SLC2A11: variants seen among roughly 807,000 people sequenced by gnomAD.
SLC2A11 encodes the protein solute carrier family 2 member 11.
A neutral mutation model predicts 52.1 loss-of-function variants in SLC2A11; 43 were observed. The observed-to-expected ratio is 0.82, with a 90% CI of 0.65 to 1.06. The LOEUF (loss-of-function observed/expected upper bound fraction) is 1.06, where lower values mean the gene tolerates loss of function less well. SLC2A11 is among the 50% of genes least tolerant of loss of function. SLC2A11 has a pLI of 0.00. For synonymous variants in SLC2A11, 261 were observed against 277.6 expected (o/e 0.94, Z 0.59); for missense variants, 582 against 654.2 (o/e 0.89, Z 1.20).
Position 23,875,121 on chromosome 22 carries a change from A to C in SLC2A11, c.295A>C (p.Lys99Gln). The C allele has an allele frequency of 6.3e-7, 1 of 1,579,368 alleles. No homozygotes were observed. Among genetic ancestry groups the C allele is most frequent in the Non-Finnish European group, 8.6e-7 (1 of 1,162,656 alleles). ...GTGTGTTTCACTTCCCCCAAGGAAGAAGTCCCTCCTGGTGAATAACATCTT... is the reference window on the plus strand; with the variant it reads ...GTGTGTTTCACTTCCCCCAAGGAAGCAGTCCCTCCTGGTGAATAACATCTT... ...GPLAITLGRK[K>Q]SLLVNNIFVV... is the part of the protein sequence containing the mutation. The change falls in exon 4 of 12, where the codon AAG (lysine) becomes CAG (glutamine). Residue 99 changes from lysine (K) to glutamine (Q), a missense_variant. Transcript: ENST00000316185.
chr22:23,859,202 GC>G (rs1035959857), intron 1 of SLC2A11, among the ~76,000 whole-genome samples: 16 of 152,320 alleles, frequency 1.1e-4, no homozygotes, highest in African/African-American at 3.8e-4. Flanking sequence ...CTGTAATTTG[GC>G]CTCAATGGGA....
In SLC2A11 at chr22:23,870,144, G is replaced by A. The variant is rs376077537; in HGVS notation, c.290+1503G>A. ...CCACTGGGCTCATATCTGCACCGTG[G>A]GGAGTAGGGGAACAGTCGCAAACAA... On this transcript the variant is annotated intron_variant, in intron 3 of 11. Coordinates refer to ENST00000316185, the MANE Select transcript of SLC2A11 (RefSeq NM_001024939.4). 5.3e-5 allele frequency: 35 copies of A among 662,830 alleles called. No individual in the cohort carries two copies. In the African/African-American group the frequency reaches 5.6e-4, roughly 11 times the overall value. The allele number at this position is 662,830 out of a possible 1,614,324, so 41.1% of individuals were successfully genotyped here. A position where few individuals can be genotyped will look rare whatever the true frequency, so the allele number is the denominator to read the frequency against.
Position 23,885,669 on chromosome 22 carries a change from G to A in SLC2A11, c.*820G>A, listed in dbSNP as rs956835536. 1 of 151,998 alleles carries A rather than the reference G, an allele frequency of 6.6e-6. No individual in the cohort carries two copies. Among genetic ancestry groups the A allele is most frequent in the Non-Finnish European group, 1.5e-5 (1 of 68,024 alleles). 9.4% of individuals were successfully genotyped at this position (151,998 alleles called of 1,614,324 possible). On this transcript the variant is annotated 3_prime_UTR_variant, in exon 12 of 12. Transcript: ENST00000316185. Reference sequence around the variant, plus strand: ...TGCAGTGAGTCCTAATTGAGCCACTGCACTCCAGCCTGGACAACAGAAAGA... The same window carrying A: ...TGCAGTGAGTCCTAATTGAGCCACTACACTCCAGCCTGGACAACAGAAAGA...
At chr22:23,880,789 C>T (rs2032771695) in intron 6 of SLC2A11, 1 of 152,096 alleles carries the variant, frequency 6.6e-6, no homozygotes, top group Admixed American at 6.6e-5. Flanking sequence ...TTTGTTGCCT[C>T]TGAATTCTGC....
At position 23,884,235 on chromosome 22, in the gene SLC2A11, C is replaced by A; in HGVS notation, c.1172-67C>A. 2 of 1,555,594 alleles carry A rather than the reference C, an allele frequency of 1.3e-6. No individual in the cohort carries two copies. Among genetic ancestry groups the A allele is most frequent in the Non-Finnish European group, 1.7e-6 (2 of 1,150,082 alleles). Reference sequence around the variant, plus strand: ...CTGGGCTCCCACTCCCATGTCTGGGCTGGGGTCGGGGAGAGGCAGGCAGGG... The same window carrying A: ...CTGGGCTCCCACTCCCATGTCTGGGATGGGGTCGGGGAGAGGCAGGCAGGG... On this transcript the variant is annotated intron_variant, in intron 10 of 11. Transcript: ENST00000316185. The surrounding 1 kb of genome is among the most constrained non-coding windows in gnomAD (Gnocchi z 4.3).
chr22:23,878,007 G>A, intron 6 of SLC2A11, 138 bp downstream of exon 6: 1 of 1,050,672 alleles, frequency 9.5e-7, no homozygotes, highest in Admixed American at 3.1e-5. Context: ...TTCATGATCT[G>A]CCTATACCTG....
Position 23,884,185 on chromosome 22 carries a change from GA to G in SLC2A11, c.1172-116del. 2 of 1,486,936 alleles carry G rather than the reference GA, an allele frequency of 1.3e-6. No homozygotes were observed. The highest frequency in any genetic ancestry group is 1.8e-6 in the Non-Finnish European group (2 of 1,118,140). 92.1% of individuals were successfully genotyped at this position (1,486,936 alleles called of 1,614,324 possible). A position where few individuals can be genotyped will look rare whatever the true frequency, so the allele number is the denominator to read the frequency against. On this transcript the variant is annotated intron_variant, in intron 10 of 11. Coordinates refer to ENST00000316185, the MANE Select transcript of SLC2A11 (RefSeq NM_001024939.4). This position sits in a 1 kb window ranked among gnomAD's most constrained non-coding sequence, Gnocchi z 4.3. ...GAGGGAATGGCAGGAGGAGAGCACTGAGGGGCCCCCCATACAGACTGGGCCT... is the reference window on the plus strand; with the variant it reads ...GAGGGAATGGCAGGAGGAGAGCACTGGGGGCCCCCCATACAGACTGGGCCT...
At position 23,875,236 on chromosome 22, in the gene SLC2A11, A is replaced by T; in HGVS notation, c.410A>T (p.Asn137Ile). The T allele has an allele frequency of 6.8e-7, 1 of 1,476,304 alleles. No homozygotes were observed. The highest frequency in any genetic ancestry group is 9.1e-7 in the Non-Finnish European group (1 of 1,101,066). The allele number at this position is 1,476,304 out of a possible 1,614,324, so 91.5% of individuals were successfully genotyped here. Residue 137 changes from asparagine (N) to isoleucine (I), a missense_variant, in exon 4 of 12, where the codon AAT (asparagine) becomes ATT (isoleucine). Coordinates refer to ENST00000316185, the MANE Select transcript of SLC2A11 (RefSeq NM_001024939.4). The stretch of plus-strand genomic sequence containing the variant: ...CTGGGAAGACTGCTCGTGGGAGTCA[A>T]TGCAGGTATGGGGTGGGGGCTTCTC... ...IMLGRLLVGV[N>I]AGVSMNIQPM...
chr22:23,858,747 C>T (rs1053395577), intron 1 of SLC2A11, among the ~76,000 whole-genome samples: 1 of 152,142 alleles, frequency 6.6e-6, no homozygotes, highest in Admixed American at 6.5e-5. Context: ...CCACCTGGTC[C>T]AAACACTTCC....
chr22:23,882,251 A>AAC (rs372923491), intron 6 of SLC2A11: 23 of 546,568 alleles, frequency 4.2e-5, no homozygotes, highest in South Asian at 9.4e-5. Flanking sequence ...CAGAGAGAGA[A>AAC]ACACACACAC....
At chr22:23,857,084 G>A (rs1372311926), upstream of SLC2A11, 6 of 1,137,448 alleles carry the variant, frequency 5.3e-6, 1 homozygote, top group African/African-American at 4.7e-5. Flanking sequence ...GGGGGGGGGG[G>A]GGTGTAGGTG....
In SLC2A11 at chr22:23,876,200, C is replaced by T. The variant is rs150808945; in HGVS notation, c.416-842C>T. ...TGTCCTAATTCCAGAGGTCATACAC[C>T]ATTATTCTGCTCATTAGAAGTGAGT... On this transcript the variant is annotated intron_variant, in intron 4 of 11. Transcript: ENST00000316185. 7.8e-3 allele frequency among the ~76,000 whole-genome samples: 1,183 copies of T among 152,170 alleles called. 7 individuals carry two copies. Among genetic ancestry groups the T allele is most frequent in the Non-Finnish European group, 0.014 (933 of 67,972 alleles).
chr22:23,875,359 AT>A, intron 4 of SLC2A11, 118 bp downstream of exon 4: 1 of 1,156,960 alleles, frequency 8.6e-7, no homozygotes, highest in Non-Finnish European at 1.1e-6. Context: ...TTTATTTTTT[AT>A]TTATGCCTAC....
At position 23,862,229 on chromosome 22, in the gene SLC2A11, GT is replaced by G; in HGVS notation, c.129+28del. On this transcript the variant is annotated intron_variant, in intron 2 of 11. Transcript: ENST00000316185. ...TATGTATCCTCTCTGGGTGGAGACT[GT>G]CCCTGTCTGAGTGGGTACTGGCTAA... 2.5e-6 allele frequency: 4 copies of G among 1,604,118 alleles called. 1 individual carries two copies. In the South Asian group the frequency reaches 4.4e-5, roughly 18 times the overall value.
At chr22:23,857,445 T>G, upstream of SLC2A11, 1 of 1,612,750 alleles carries the variant, frequency 6.2e-7, no homozygotes, top group South Asian at 1.1e-5. Flanking sequence ...CTTAGCCGAG[T>G]AAGGAGTGAG....
In SLC2A11 at chr22:23,885,040, C is replaced by T; in HGVS notation, c.*191C>T. ...GGTATTCCAGGCTAAAGGTAATTAACTGACAGAAAATCAGTAACAACATAA... is the reference window on the plus strand; with the variant it reads ...GGTATTCCAGGCTAAAGGTAATTAATTGACAGAAAATCAGTAACAACATAA... On this transcript the variant is annotated 3_prime_UTR_variant, in exon 12 of 12. Transcript: ENST00000316185. The T allele has an allele frequency of 1.7e-6, 1 of 579,298 alleles. No homozygotes were observed. The highest frequency in any genetic ancestry group is 2.9e-5 in the East Asian group (1 of 34,314). The allele number at this position is 579,298 out of a possible 1,614,324, so 35.9% of individuals were successfully genotyped here.
At chr22:23,872,486 A>G (rs1198842120) in intron 3 of SLC2A11, 2 of 152,224 alleles carry the variant, frequency 1.3e-5, no homozygotes, top group Non-Finnish European at 2.9e-5. Context: ...TCCTAAAGCT[A>G]AAGGGTTGAG....
At chr22:23,868,324 G>A (rs767134512) in intron 2 of SLC2A11, 157 bp from the exon 3 acceptor site, 15 of 783,794 alleles carry the variant, frequency 1.9e-5, no homozygotes, top group Non-Finnish European at 2.4e-5. Flanking sequence ...GTGCTCAGGC[G>A]AGTTGGTTCC....
intron 7 of SLC2A11, 24 bp from the exon 8 acceptor site, chr22:23,882,735 G>A: frequency 6.2e-7 from 1 of 1,608,172 alleles, no homozygotes; most frequent in Non-Finnish European, 8.5e-7. Context: ...AGGGAGCCCA[G>A]GCCTGAAAGC....
Sources: gnomAD v4.1 joint callset for allele counts (sites outside exome capture counted in the v4.1 genomes callset) on GRCh38, gnomAD v4.1.1 for gene constraint, Gnocchi (gnomAD v3.1) non-coding constraint, MANE v1.5 for transcripts, NCBI Gene and HGNC (gene_info 2026-07-23, HGNC 2026-07-21) for gene names.